The following TAS1R1 variants were observed in gnomAD, a reference collection of about 807,000 sequenced individuals.
TAS1R1 encodes taste 1 receptor member 1.
TAS1R1 carries 31 observed loss-of-function variants against 45.8 expected under a neutral mutation model. The observed-to-expected ratio is 0.68, with a 90% CI of 0.51 to 0.91. The LOEUF (loss-of-function observed/expected upper bound fraction) is 0.91. Ranked by LOEUF, TAS1R1 falls within the 40% of genes least tolerant of loss-of-function variation. The probability of loss-of-function intolerance (pLI) is 0.00; values close to 1 mark genes in which losing one functional copy is unlikely to be tolerated. For synonymous variants in TAS1R1, 437 were observed against 448.4 expected (o/e 0.97, Z 0.32); for missense variants, 1,051 against 1,063.9 (o/e 0.99, Z 0.17).
At position 6,555,317 on chromosome 1, in the gene TAS1R1, A is replaced by AGC. The variant is rs1639652585; in HGVS notation, c.-57_-56insGC. Reference sequence around the variant, plus strand: ...TCCGGCAGCTGCCTTCTATTTAAGCAACTGGCCTCCTTAGAGGCCACTCCT... The same window carrying AGC: ...TCCGGCAGCTGCCTTCTATTTAAGCAGCACTGGCCTCCTTAGAGGCCACTCCT... On this transcript the variant is annotated 5_prime_UTR_variant, in exon 1 of 6. Transcript: ENST00000333172. 1.3e-5 allele frequency: 19 copies of AGC among 1,469,904 alleles called. No homozygotes were observed. The highest frequency in any genetic ancestry group is 1.6e-5 in the Non-Finnish European group (18 of 1,106,364). The allele number at this position is 1,469,904 out of a possible 1,614,324, so 91.1% of individuals were successfully genotyped here. A position where few individuals can be genotyped will look rare whatever the true frequency, so the allele number is the denominator to read the frequency against.
At chr1:6,566,634 T>C (rs1451274160) in intron 1 of TAS1R1, among the ~76,000 whole-genome samples, 2 of 152,104 alleles carry the variant, frequency 1.3e-5, no homozygotes, top group Non-Finnish European at 2.9e-5. Flanking sequence ...CTCGCTCTGT[T>C]GCCCAGGCCA....
intron 5 of TAS1R1, among the ~76,000 whole-genome samples, chr1:6,578,147 G>A (rs565381729): frequency 1.7e-4 from 26 of 152,298 alleles, no homozygotes; most frequent in African/African-American, 5.8e-4. Context: ...AGGTAGCTAA[G>A]GACTCAGGTC....
Position 6,571,135 on chromosome 1 carries a change from G to GTGC in TAS1R1, c.421_423dup (p.Leu141dup). ...AGACCTTCTCCACTATTCCCCTACGGTGCTGGCAGTGATTGGGCCTGACAG... is the reference window on the plus strand; with the variant it reads ...AGACCTTCTCCACTATTCCCCTACGGTGCTGCTGGCAGTGATTGGGCCTGACAG... On this transcript the variant is annotated inframe_insertion, in exon 2 of 6. Transcript: ENST00000333172. The GTGC allele has an allele frequency of 6.2e-7, 1 of 1,612,460 alleles. No individual in the cohort carries two copies. The highest frequency in any genetic ancestry group is 8.5e-7 in the Non-Finnish European group (1 of 1,179,072).
chr1:6,555,388 G>A lies in TAS1R1; in HGVS notation c.15G>A (p.Thr5=), dbSNP rs751878433. The A allele has an allele frequency of 2.5e-6, 4 of 1,600,752 alleles. No homozygotes were observed. The highest frequency in any genetic ancestry group is 3.4e-5 in the Admixed American group (2 of 59,010). Residue 5 remains threonine, a synonymous_variant, in exon 1 of 6, where the codon ACG becomes ACA. Transcript: ENST00000333172. ...ATCTGGCCAGCATGCTGCTCTGCACGGCTCGCCTGGTCGGCCTGCAGCTTC... is the reference window on the plus strand; with the variant it reads ...ATCTGGCCAGCATGCTGCTCTGCACAGCTCGCCTGGTCGGCCTGCAGCTTC... The part of the protein sequence containing the change: MLLC[T]ARLVGLQLLI...
chr1:6,567,054 C>A (rs1013632223), intron 1 of TAS1R1, among the ~76,000 whole-genome samples: 4 of 151,974 alleles, frequency 2.6e-5, no homozygotes, highest in Non-Finnish European at 4.4e-5. Context: ...TTGGGGGAGG[C>A]AAGAAAAGGT....
chr1:6,555,667 T>TG, intron 1 of TAS1R1, 103 bp downstream of exon 1: 1 of 1,126,402 alleles, frequency 8.9e-7, no homozygotes, highest in Non-Finnish European at 1.2e-6. Flanking sequence ...CTTTGCCCCT[T>TG]GAACTGTCCC....
Position 6,576,434 on chromosome 1 carries a change from A to G in TAS1R1, c.1280A>G (p.Lys427Arg). 6.2e-7 allele frequency: 1 copy of G among 1,614,202 alleles called. No homozygotes were observed. The highest frequency in any genetic ancestry group is 8.5e-7 in the Non-Finnish European group (1 of 1,180,038). ...TTTCAGCTTTTGGAGCAGATCCACAAGGTGCATTTCCTTCTACACAAGGAC... is the reference window on the plus strand; with the variant it reads ...TTTCAGCTTTTGGAGCAGATCCACAGGGTGCATTTCCTTCTACACAAGGAC... The part of the protein sequence containing the change: ...YPWQLLEQIH[K>R]VHFLLHKDTV... The change falls in exon 4 of 6, where the codon AAG becomes AGG. Residue 427 changes from lysine (K) to arginine (R), a missense_variant. Transcript: ENST00000333172.
chr1:6,557,008 C>CAA (rs35187481), intron 1 of TAS1R1, among the ~76,000 whole-genome samples: 57 of 63,474 alleles, frequency 9.0e-4, no homozygotes, highest in Non-Finnish European at 1.3e-3. Flanking sequence ...GGCTCCATCT[C>CAA]AAAAAAAAAA....
Position 6,574,765 on chromosome 1 carries a change from C to G in TAS1R1, c.633C>G (p.Ile211Met). 1.2e-6 allele frequency: 2 copies of G among 1,614,272 alleles called. No individual in the cohort carries two copies. Among genetic ancestry groups the G allele is most frequent in the Non-Finnish European group, 1.7e-6 (2 of 1,180,052 alleles). Residue 211 changes from isoleucine to methionine, a missense_variant, in exon 3 of 6, where the codon ATC (isoleucine) becomes ATG (methionine). Physicochemically the swap from Ile to Met is conservative, Grantham distance 10 (BLOSUM62 1). Coordinates refer to ENST00000333172, the MANE Select transcript of TAS1R1 (RefSeq NM_138697.4). The surrounding 1 kb of genome is among the most constrained non-coding windows in gnomAD (Gnocchi z 4.3). ...TGCAGAAGTTCGGGTGGACCTGGAT[C>G]TCTCTGGTTGGCAGCAGTGACGACT... is the stretch of plus-strand genomic sequence containing the variant. The part of the protein sequence containing the change: ...LLLQKFGWTW[I>M]SLVGSSDDYG...
intron 1 of TAS1R1, among the ~76,000 whole-genome samples, chr1:6,559,865 C>T (rs115366735): frequency 6.6e-6 from 1 of 151,798 alleles, no homozygotes; most frequent in Admixed American, 6.6e-5. Flanking sequence ...GGGTGCACCC[C>T]TGCAATCCCA....
At chr1:6,558,912 G>T (rs529209663) in intron 1 of TAS1R1, among the ~76,000 whole-genome samples, 3 of 144,472 alleles carry the variant, frequency 2.1e-5, no homozygotes, top group African/African-American at 5.3e-5. Flanking sequence ...TTTTTTTTGA[G>T]ATGGAGTCTC....
intron 1 of TAS1R1, among the ~76,000 whole-genome samples, chr1:6,566,034 G>A (rs1639867118): frequency 6.6e-6 from 1 of 152,162 alleles, no homozygotes; most frequent in Non-Finnish European, 1.5e-5. Context: ...CATATGCTTT[G>A]TTAGCAAGAA....
intron 1 of TAS1R1, among the ~76,000 whole-genome samples, chr1:6,567,637 A>C (rs1053386899): frequency 6.6e-6 from 1 of 151,546 alleles, no homozygotes; most frequent in African/African-American, 2.4e-5. Context: ...CATTGATGGC[A>C]GTTTGGCAGT....
chr1:6,578,029 TA>T (rs1640230863), intron 5 of TAS1R1, among the ~76,000 whole-genome samples: 2 of 152,186 alleles, frequency 1.3e-5, no homozygotes, highest in African/African-American at 4.8e-5. Flanking sequence ...CAAAGACAGC[TA>T]GCTCCTTGAA....
In TAS1R1 at chr1:6,574,010, G is replaced by A. The variant is rs1200168018; in HGVS notation, c.499-621G>A. Among the ~76,000 whole-genome samples the A allele has an allele frequency of 1.3e-5, 2 of 152,096 alleles. No individual in the cohort carries two copies. The highest frequency in any genetic ancestry group is 2.9e-5 in the Non-Finnish European group (2 of 68,038). Reference sequence around the variant, plus strand: ...TAATTATACAACTCACCATAATGTAGAATCAGTGGGAGCCCTGAGCTTGTT... The same window carrying A: ...TAATTATACAACTCACCATAATGTAAAATCAGTGGGAGCCCTGAGCTTGTT... On this transcript the variant is annotated intron_variant, in intron 2 of 5. Transcript: ENST00000333172. This position sits in a 1 kb window ranked among gnomAD's most constrained non-coding sequence, Gnocchi z 4.3.
At position 6,579,498 on chromosome 1, in the gene TAS1R1, G is replaced by A. The variant is rs754800134; in HGVS notation, c.2440G>A (p.Val814Met). ...TGGGTATTTTCTGCCTAAGTGCTACGTGATCCTCTGCCGCCCAGACCTCAA... is the reference window on the plus strand; with the variant it reads ...TGGGTATTTTCTGCCTAAGTGCTACATGATCCTCTGCCGCCCAGACCTCAA... ...FGGYFLPKCY[V>M]ILCRPDLNST... is the part of the protein sequence containing the mutation. The change falls in exon 6 of 6, where the codon GTG (valine) becomes ATG (methionine). Residue 814 changes from valine to methionine, a missense_variant. Transcript: ENST00000333172. 41 of 1,613,934 alleles carry A rather than the reference G, an allele frequency of 2.5e-5. No homozygotes were observed. Among genetic ancestry groups the A allele is most frequent in the Non-Finnish European group, 2.2e-5 (26 of 1,180,046 alleles).
intron 1 of TAS1R1, among the ~76,000 whole-genome samples, chr1:6,568,739 G>A (rs1639933894): frequency 6.6e-6 from 1 of 152,104 alleles, no homozygotes; most frequent in Non-Finnish European, 1.5e-5. Context: ...CAGCTCCTAC[G>A]GGCTTAGTAG....
chr1:6,571,377 T>A (rs1428257277), intron 2 of TAS1R1, among the ~76,000 whole-genome samples, 162 bp downstream of exon 2: 1 of 152,182 alleles, frequency 6.6e-6, no homozygotes, highest in Non-Finnish European at 1.5e-5. Context: ...CCAGCGTGGT[T>A]CCTGCCCCAG....
chr1:6,566,563 G>T (rs1639875245), intron 1 of TAS1R1, among the ~76,000 whole-genome samples: 1 of 152,126 alleles, frequency 6.6e-6, no homozygotes, highest in Non-Finnish European at 1.5e-5. Context: ...CCCTTTTGGT[G>T]GGTTAGAGAA....
Sources: allele counts gnomAD v4.1 joint callset (sites outside exome capture counted in the v4.1 genomes callset), GRCh38; gene constraint gnomAD v4.1.1; non-coding constraint Gnocchi (gnomAD v3.1); transcripts MANE v1.5; gene names NCBI Gene and HGNC (gene_info 2026-07-23, HGNC 2026-07-21).